The following MAPK10 variants were observed in gnomAD, a reference collection of about 807,000 sequenced individuals.
MAPK10 encodes mitogen-activated protein kinase 10.
In MAPK10, 25 loss-of-function variants were observed where a neutral mutation model predicts 59.3. The observed-to-expected ratio is 0.42, with a 90% CI of 0.31 to 0.59. The LOEUF (loss-of-function observed/expected upper bound fraction) is 0.59. Ranked by LOEUF, MAPK10 falls within the 20% of genes least tolerant of loss-of-function variation. MAPK10 has a pLI of 0.15. For synonymous variants in MAPK10, 190 were observed against 200.5 expected (o/e 0.95, Z 0.44); for missense variants, 351 against 568.9 (o/e 0.62, Z 3.90).
chr4:86,292,330 C>G (rs965328268), intron 2 of MAPK10, among the ~76,000 whole-genome samples: 2 of 152,108 alleles, frequency 1.3e-5, no homozygotes, highest in East Asian at 3.9e-4. Flanking sequence ...GATGATGAAG[C>G]ACAATCCTCA....
intron 2 of MAPK10, among the ~76,000 whole-genome samples, chr4:86,283,519 G>A (rs1303564434): frequency 2.0e-5 from 3 of 152,144 alleles, no homozygotes; most frequent in Admixed American, 6.5e-5. Flanking sequence ...ACAATGAACC[G>A]AAAACACTTT....
At chr4:86,301,568 T>C (rs2095473849) in intron 2 of MAPK10, among the ~76,000 whole-genome samples, 1 of 152,150 alleles carries the variant, frequency 6.6e-6, no homozygotes, top group African/African-American at 2.4e-5. Flanking sequence ...AAGAGTCTAA[T>C]AGACTTCTTC....
chr4:86,233,091 G>C (rs1234532672), intron 2 of MAPK10, among the ~76,000 whole-genome samples: 2 of 152,138 alleles, frequency 1.3e-5, no homozygotes, highest in African/African-American at 4.8e-5. Flanking sequence ...TCGAAGATGA[G>C]ATCCAAAGAG....
intron 11 of MAPK10, among the ~76,000 whole-genome samples, chr4:86,042,305 A>G (rs540666099): frequency 6.6e-6 from 1 of 152,270 alleles, no homozygotes; most frequent in East Asian, 1.9e-4. Flanking sequence ...GGAGAACATC[A>G]CACACCAGGA....
chr4:86,082,742 C>T (rs2050922117), intron 9 of MAPK10, among the ~76,000 whole-genome samples: 1 of 152,140 alleles, frequency 6.6e-6, no homozygotes, highest in African/African-American at 2.4e-5. Flanking sequence ...TTTGATCATT[C>T]CTGCACAGGA....
chr4:86,258,592 C>G lies in MAPK10; in HGVS notation c.-6-64185G>C, dbSNP rs542127281. Among the ~76,000 whole-genome samples the G allele has an allele frequency of 3.3e-5, 5 of 152,190 alleles. No homozygotes were observed. The East Asian group carries it at 9.6e-4, about 29-fold the overall frequency. On this transcript the variant is annotated intron_variant, in intron 2 of 13. Transcript: ENST00000641462. Reference sequence around the variant, plus strand: ...TTTCTTCCTCACCATAAATTTATGCCTCTATCCAATGCAATCTGCCCTTTA... The same window carrying G: ...TTTCTTCCTCACCATAAATTTATGCGTCTATCCAATGCAATCTGCCCTTTA...
At chr4:86,182,671 T>G (rs1429583848) in intron 3 of MAPK10, among the ~76,000 whole-genome samples, 1 of 152,110 alleles carries the variant, frequency 6.6e-6, no homozygotes, top group East Asian at 1.9e-4. Flanking sequence ...TACACTGTTT[T>G]CTTTAAATTG....
At chr4:86,582,906 ATAT>A (rs1477186801) in intron 1 of MAPK10, among the ~76,000 whole-genome samples, 1 of 152,196 alleles carries the variant, frequency 6.6e-6, no homozygotes, top group Admixed American at 6.5e-5. Context: ...TAAAATTAAC[ATAT>A]TATTTTATGA....
chr4:86,208,479 A>C (rs890267065), intron 2 of MAPK10, among the ~76,000 whole-genome samples: 2 of 149,400 alleles, frequency 1.3e-5, no homozygotes, highest in African/African-American at 5.1e-5. Flanking sequence ...ACAGAGCCAA[A>C]GACAATAACC....
At chr4:86,112,199 G>A (rs116991480) in intron 4 of MAPK10, among the ~76,000 whole-genome samples, 5,541 of 146,994 alleles carry the variant, frequency 0.038, 250 homozygotes, top group African/African-American at 0.11. Flanking sequence ...AGGATTTTTC[G>A]TGTCTCTATC....
At chr4:86,455,455 G>A (rs1251270585), upstream of MAPK10, among the ~76,000 whole-genome samples, 2 of 152,152 alleles carry the variant, frequency 1.3e-5, no homozygotes, top group African/African-American at 4.8e-5. Flanking sequence ...GTAAAGGGAA[G>A]GAAAAAGACA....
intron 1 of MAPK10, among the ~76,000 whole-genome samples, chr4:86,407,064 T>C (rs934348303): frequency 1.3e-5 from 2 of 152,126 alleles, no homozygotes; most frequent in Non-Finnish European, 2.9e-5. Flanking sequence ...TCCTGGATTC[T>C]CTAGCTCAGA....
chr4:86,019,690 TC>T (rs1460667758), intron 13 of MAPK10, among the ~76,000 whole-genome samples: 1 of 152,198 alleles, frequency 6.6e-6, no homozygotes, highest in Admixed American at 6.5e-5. Flanking sequence ...TATGATGGAC[TC>T]CTCAGAATTC....
chr4:86,530,068 C>CT lies in MAPK10; in HGVS notation c.-263+63841dup, dbSNP rs199905487. On this transcript the variant is annotated intron_variant, in intron 1 of 4. Coordinates refer to the MAPK10 transcript ENST00000502302. ...CAAGGGGCTTTTGGTTTTGTTTTTC[C>CT]TTTTTTTTTTTTTTTTTAAGTACAG... Among the ~76,000 whole-genome samples the CT allele has an allele frequency of 3.4e-3, 452 of 132,234 alleles. 5 individuals carry two copies. Among genetic ancestry groups the CT allele is most frequent in the African/African-American group, 0.01 (372 of 35,680 alleles). The allele number at this position is 132,234 out of a possible 152,430, so 86.8% of individuals were successfully genotyped here.
intron 1 of MAPK10, among the ~76,000 whole-genome samples, chr4:86,405,533 G>A (rs1005420772): frequency 1.3e-5 from 2 of 152,150 alleles, no homozygotes; most frequent in African/African-American, 4.8e-5. Flanking sequence ...AAATTTCAGT[G>A]TTGACACACA....
chr4:86,255,735 C>A (rs894929329), intron 2 of MAPK10, among the ~76,000 whole-genome samples: 1 of 152,078 alleles, frequency 6.6e-6, no homozygotes. Context: ...GTTCCCTCTG[C>A]TTTGCCAAGA....
In MAPK10 at chr4:86,207,669, C is replaced by T. The variant is rs576905437; in HGVS notation, c.-6-13262G>A. ...GCCATTTTCACGATATTGATTCTTC[C>T]TACCCATGAGCATGGAATGTTCTTC... is the stretch of plus-strand genomic sequence containing the variant. On this transcript the variant is annotated intron_variant, in intron 2 of 13. Transcript: ENST00000641462. 8.2e-4 allele frequency among the ~76,000 whole-genome samples: 125 copies of T among 152,184 alleles called. 1 individual carries two copies. The highest frequency in any genetic ancestry group is 1.6e-3 in the Non-Finnish European group (109 of 68,000).
intron 1 of MAPK10, among the ~76,000 whole-genome samples, chr4:86,375,388 A>G (rs1048730006): frequency 6.6e-5 from 10 of 152,198 alleles, no homozygotes; most frequent in African/African-American, 2.2e-4. Context: ...TTTGGAATAG[A>G]CAAACTAGAA....
intron 11 of MAPK10, among the ~76,000 whole-genome samples, chr4:86,035,932 A>G (rs1708967962): frequency 6.6e-6 from 1 of 152,236 alleles, no homozygotes; most frequent in African/African-American, 2.4e-5. Flanking sequence ...AAACTATGAC[A>G]GTGGATGAGG....
Sources: allele counts gnomAD v4.1 joint callset (sites outside exome capture counted in the v4.1 genomes callset), GRCh38; gene constraint gnomAD v4.1.1; transcripts MANE v1.5; gene names NCBI Gene and HGNC (gene_info 2026-07-23, HGNC 2026-07-21).